The following TSHZ2 variants were observed in gnomAD, a reference collection of about 807,000 sequenced individuals.
TSHZ2 encodes teashirt homolog 2.
A neutral mutation model predicts 74.4 loss-of-function variants in TSHZ2; 21 were observed. The ratio of observed to expected loss-of-function variants is 0.28; its 90% confidence interval spans 0.20 to 0.41. The LOEUF is 0.41. TSHZ2 is among the 10% of genes least tolerant of loss of function. The pLI, the probability that TSHZ2 is intolerant of heterozygous loss-of-function variation, is 1.00. For missense variants in TSHZ2, 1,244 were observed against 1,293.5 expected (o/e 0.96, Z 0.59); for synonymous variants, 540 against 515.3 (o/e 1.05, Z -0.65).
intron 2 of TSHZ2, among the ~76,000 whole-genome samples, chr20:53,392,630 G>A (rs1427218090): frequency 6.6e-6 from 1 of 152,138 alleles, no homozygotes; most frequent in African/African-American, 2.4e-5. Flanking sequence ...GGATGGTGAG[G>A]CTATGGGGTG....
At chr20:53,393,890 T>G (rs530931673) in intron 2 of TSHZ2, among the ~76,000 whole-genome samples, 4 of 152,190 alleles carry the variant, frequency 2.6e-5, no homozygotes, top group Admixed American at 6.5e-5. Flanking sequence ...TAAAGTACAG[T>G]AAAACTTTTT....
In TSHZ2 at chr20:53,187,242, G is replaced by C. The variant is rs1208070993; in HGVS notation, c.41-66257G>C. ...AACACAACACCAAGAAAACATTGCA[G>C]TATTATGAGAATTCCTGTTCCTTCT... On this transcript the variant is annotated intron_variant, in intron 1 of 2. Coordinates refer to ENST00000371497, the MANE Select transcript of TSHZ2 (RefSeq NM_173485.6). Among the ~76,000 whole-genome samples the C allele has an allele frequency of 2.0e-5, 3 of 152,180 alleles. 1 individual carries two copies. Among genetic ancestry groups the C allele is most frequent in the Admixed American group, 1.3e-4 (2 of 15,284 alleles).
intron 2 of TSHZ2, among the ~76,000 whole-genome samples, chr20:53,335,934 A>T (rs896214070): frequency 2.6e-5 from 4 of 152,240 alleles, no homozygotes; most frequent in Non-Finnish European, 5.9e-5. Flanking sequence ...ATCCGCAATT[A>T]ACATGGGGAG....
At chr20:53,297,918 C>T (rs142212192) in intron 2 of TSHZ2, among the ~76,000 whole-genome samples, 26 of 152,348 alleles carry the variant, frequency 1.7e-4, no homozygotes, top group African/African-American at 6.0e-4. Context: ...TGGCCTCTTA[C>T]AGATATCAAA....
chr20:53,481,160 TACTA>T, intron 2 of TSHZ2, among the ~76,000 whole-genome samples: 1 of 152,314 alleles, frequency 6.6e-6, no homozygotes, highest in Non-Finnish European at 1.5e-5. Context: ...CAGCAGGAAA[TACTA>T]ACAACAGTTC....
intron 1 of TSHZ2, among the ~76,000 whole-genome samples, chr20:53,140,404 G>A (rs1987360988): frequency 6.6e-6 from 1 of 151,760 alleles, no homozygotes; most frequent in African/African-American, 2.4e-5. Flanking sequence ...GCCAGGCGAG[G>A]TGGCAGGCGC....
At chr20:53,369,028 G>A (rs1243472484) in intron 2 of TSHZ2, among the ~76,000 whole-genome samples, 5 of 152,124 alleles carry the variant, frequency 3.3e-5, no homozygotes, top group Non-Finnish European at 5.9e-5. Context: ...TTGGGAGGCC[G>A]AGGTGGGCAG....
chr20:53,455,725 A>G (rs964378155), intron 2 of TSHZ2, among the ~76,000 whole-genome samples: 1 of 143,846 alleles, frequency 7.0e-6, no homozygotes, highest in African/African-American at 2.6e-5. Context: ...CCCACCCCAC[A>G]ACAGTCCCCA....
At chr20:53,466,049 C>T (rs991612896) in intron 2 of TSHZ2, among the ~76,000 whole-genome samples, 1 of 150,968 alleles carries the variant, frequency 6.6e-6, no homozygotes, top group Non-Finnish European at 1.5e-5. Context: ...GAGTTCGAGA[C>T]TAGCCTGGCC....
chr20:53,431,067 AT>A (rs1983831172), intron 2 of TSHZ2, among the ~76,000 whole-genome samples: 1 of 152,084 alleles, frequency 6.6e-6, no homozygotes, highest in Non-Finnish European at 1.5e-5. Flanking sequence ...TTTAATTCAC[AT>A]TTTACGATGT....
intron 2 of TSHZ2, among the ~76,000 whole-genome samples, chr20:53,343,403 C>T (rs1348345202): frequency 6.6e-6 from 1 of 152,176 alleles, no homozygotes; most frequent in Non-Finnish European, 1.5e-5. Context: ...AAGGCAGTGG[C>T]CAGAATTCTC....
chr20:53,145,633 G>A (rs1568781478), intron 1 of TSHZ2, among the ~76,000 whole-genome samples: 1 of 152,158 alleles, frequency 6.6e-6, no homozygotes, highest in African/African-American at 2.4e-5. Flanking sequence ...ATCCCAATGA[G>A]GGCTAAGGAT....
chr20:52,997,888 T>C (rs1982265774), intron 1 of TSHZ2, among the ~76,000 whole-genome samples: 1 of 152,208 alleles, frequency 6.6e-6, no homozygotes, highest in African/African-American at 2.4e-5. Context: ...ACAGATGGCC[T>C]TACATCTTCC....
At chr20:53,232,225 C>T (rs1007668060) in intron 1 of TSHZ2, among the ~76,000 whole-genome samples, 8 of 152,164 alleles carry the variant, frequency 5.3e-5, no homozygotes, top group African/African-American at 1.7e-4. Context: ...TGATACTGAA[C>T]AATGTCTCTA....
At chr20:52,999,742 A>G (rs576657311) in intron 1 of TSHZ2, among the ~76,000 whole-genome samples, 1 of 152,194 alleles carries the variant, frequency 6.6e-6, no homozygotes, top group Non-Finnish European at 1.5e-5. Flanking sequence ...TTCCTTGGGC[A>G]AACTGGGATT....
At chr20:53,378,275 G>A (rs2145634970) in intron 2 of TSHZ2, among the ~76,000 whole-genome samples, 1 of 151,636 alleles carries the variant, frequency 6.6e-6, no homozygotes, top group Non-Finnish European at 1.5e-5. Context: ...AGGAGGCAGG[G>A]GCTGTTGTGA....
chr20:53,342,112 C>G (rs1461520134), intron 2 of TSHZ2, among the ~76,000 whole-genome samples: 1 of 152,142 alleles, frequency 6.6e-6, no homozygotes, highest in Non-Finnish European at 1.5e-5. Context: ...ACGTTAGTAC[C>G]GTAAATTTGT....
At chr20:53,222,923 G>A (rs369887603) in intron 1 of TSHZ2, among the ~76,000 whole-genome samples, 10 of 152,210 alleles carry the variant, frequency 6.6e-5, no homozygotes, top group Admixed American at 6.5e-5. Flanking sequence ...ATCTAGAGTT[G>A]CATTGTCCAG....
intron 2 of TSHZ2, among the ~76,000 whole-genome samples, chr20:53,328,123 A>G (rs1307228170): frequency 1.3e-5 from 2 of 152,252 alleles, no homozygotes; most frequent in East Asian, 3.9e-4. Context: ...AATGGTGCTC[A>G]CCCTTAGAGT....
Sources: allele counts gnomAD v4.1 joint callset (sites outside exome capture counted in the v4.1 genomes callset), GRCh38; gene constraint gnomAD v4.1.1; transcripts MANE v1.5; gene names NCBI Gene and HGNC (gene_info 2026-07-23, HGNC 2026-07-21).